Variants in SLC24A2 observed in about 807,000 individuals in gnomAD.
The protein encoded by SLC24A2 is sodium/potassium/calcium exchanger 2.
A neutral mutation model predicts 62.0 loss-of-function variants in SLC24A2; 36 were observed. That is an observed-to-expected ratio of 0.58 (90% CI 0.44 to 0.77). The LOEUF (loss-of-function observed/expected upper bound fraction) is 0.77. Among genes scored for constraint, SLC24A2 ranks in the 30% least tolerant of loss-of-function variants. The pLI is 0.00. For synonymous variants in SLC24A2, 358 were observed against 294.0 expected, an observed-to-expected ratio of 1.22 and a Z score of -2.23; for missense variants, 846 against 817.9, an observed-to-expected ratio of 1.03 and a Z score of -0.42.
At chr9:19,747,329 G>C (rs776844582) in intron 2 of SLC24A2, among the ~76,000 whole-genome samples, 3 of 151,784 alleles carry the variant, frequency 2.0e-5, no homozygotes, top group Non-Finnish European at 4.4e-5. Context: ...ACATATACAG[G>C]TATGTGTACG....
chr9:20,225,576 T>TATATATTATATATATATATAATATATA, the SLC24A2 span, among the ~76,000 whole-genome samples: 5 of 126,440 alleles, frequency 4.0e-5, no homozygotes, highest in African/African-American at 1.8e-4. Flanking sequence ...ATATATATAA[T>TATATATTATATATATATATAATATATA]TTCATTTAAA....
At chr9:20,230,526 T>C in the SLC24A2 span, among the ~76,000 whole-genome samples, 16 of 152,244 alleles carry the variant, frequency 1.1e-4, 1 homozygote, top group African/African-American at 3.9e-4. Flanking sequence ...GCTGCATAAA[T>C]GTCTTCTTTT....
intron 2 of SLC24A2, among the ~76,000 whole-genome samples, chr9:19,707,102 C>G (rs896614016): frequency 2.0e-5 from 3 of 151,738 alleles, no homozygotes; most frequent in East Asian, 1.9e-4. Flanking sequence ...GAAATACAAA[C>G]TACCATCAGA....
chr9:19,807,700 A>T, the SLC24A2 span, among the ~76,000 whole-genome samples: 32 of 152,214 alleles, frequency 2.1e-4, no homozygotes, highest in Non-Finnish European at 3.4e-4. Flanking sequence ...CTTCTTCTAC[A>T]TTATGGCTTT....
the SLC24A2 span, among the ~76,000 whole-genome samples, chr9:19,836,166 A>C: frequency 6.6e-6 from 1 of 152,200 alleles, no homozygotes; most frequent in Admixed American, 6.5e-5. Flanking sequence ...AATTAAAAGA[A>C]CTAGAGAAGC....
chr9:19,683,688 C>A (rs1351968348), intron 2 of SLC24A2, among the ~76,000 whole-genome samples: 1 of 152,070 alleles, frequency 6.6e-6, no homozygotes, highest in Non-Finnish European at 1.5e-5. Context: ...TTAGCAAGGA[C>A]CGCTATACCA....
At chr9:19,987,085 G>A in the SLC24A2 span, among the ~76,000 whole-genome samples, 1 of 152,128 alleles carries the variant, frequency 6.6e-6, no homozygotes, top group Non-Finnish European at 1.5e-5. Context: ...GGGGAGTAAA[G>A]GGTGATGCTG....
the SLC24A2 span, among the ~76,000 whole-genome samples, chr9:20,187,507 C>G: frequency 1.3e-5 from 2 of 152,218 alleles, no homozygotes; most frequent in African/African-American, 4.8e-5. Flanking sequence ...TGCCCTTCCT[C>G]TATTCTTCAG....
chr9:20,231,072 T>G, the SLC24A2 span, among the ~76,000 whole-genome samples: 1 of 152,184 alleles, frequency 6.6e-6, no homozygotes, highest in Non-Finnish European at 1.5e-5. Context: ...CTGAGGGCTC[T>G]GTTCTGTTCC....
chr9:19,566,566 G>A (rs1295108738), intron 7 of SLC24A2, among the ~76,000 whole-genome samples: 1 of 152,056 alleles, frequency 6.6e-6, no homozygotes, highest in Non-Finnish European at 1.5e-5. Flanking sequence ...ATTCCTCAAG[G>A]ATCTAGAACT....
chr9:19,712,180 C>G (rs369198068), intron 2 of SLC24A2, among the ~76,000 whole-genome samples: 3 of 152,108 alleles, frequency 2.0e-5, no homozygotes, highest in Non-Finnish European at 4.4e-5. Context: ...ACGTTTAGGA[C>G]GAGGATTCCA....
At chr9:19,521,169 T>C in intron 9 of SLC24A2, 109 bp from the exon 10 acceptor site, 1 of 951,778 alleles carries the variant, frequency 1.1e-6, no homozygotes, top group South Asian at 1.4e-5. Flanking sequence ...TACTGTGCTA[T>C]GCAAAGTGCT....
the SLC24A2 span, among the ~76,000 whole-genome samples, chr9:19,872,503 T>G: frequency 1.3e-5 from 2 of 152,184 alleles, no homozygotes; most frequent in Non-Finnish European, 2.9e-5. Flanking sequence ...GTCGTTTTCC[T>G]CACCTCTCCT....
chr9:19,709,955 C>A (rs1236329277), intron 2 of SLC24A2, among the ~76,000 whole-genome samples: 3 of 152,032 alleles, frequency 2.0e-5, no homozygotes, highest in African/African-American at 7.2e-5. Context: ...GAGAGCTAAA[C>A]CTCTTCCTCT....
the SLC24A2 span, among the ~76,000 whole-genome samples, chr9:20,278,076 G>A: frequency 3.0e-4 from 46 of 152,148 alleles, no homozygotes; most frequent in South Asian, 1.7e-3. Flanking sequence ...TCACACGCCA[G>A]GGTCTGTCGT....
the SLC24A2 span, among the ~76,000 whole-genome samples, chr9:19,959,945 G>A: frequency 1.3e-5 from 2 of 152,224 alleles, no homozygotes; most frequent in African/African-American, 4.8e-5. Flanking sequence ...TGGGATAAGG[G>A]TAACCAATTG....
At chr9:19,813,003 C>A in the SLC24A2 span, among the ~76,000 whole-genome samples, 4 of 152,226 alleles carry the variant, frequency 2.6e-5, no homozygotes. Context: ...CAGAGGCTTT[C>A]TACTTAGCTC....
At chr9:19,883,231 A>C in the SLC24A2 span, among the ~76,000 whole-genome samples, 1 of 152,206 alleles carries the variant, frequency 6.6e-6, no homozygotes, top group Non-Finnish European at 1.5e-5. Flanking sequence ...GCGATGTGCC[A>C]ATCTAAACCA....
the SLC24A2 span, among the ~76,000 whole-genome samples, chr9:20,090,378 C>G: frequency 2.0e-5 from 3 of 152,124 alleles, no homozygotes; most frequent in Admixed American, 6.5e-5. Flanking sequence ...TCGTGGGTAG[C>G]CTGGGAGTGC....
Sources: gnomAD v4.1 joint callset for allele counts (sites outside exome capture counted in the v4.1 genomes callset) on GRCh38, gnomAD v4.1.1 for gene constraint, MANE v1.5 for transcripts, NCBI Gene and HGNC (gene_info 2026-07-23, HGNC 2026-07-21) for gene names.